PCDH15: variants seen among roughly 807,000 people sequenced by gnomAD.
PCDH15 encodes the protein protocadherin-15.
PCDH15 carries 129 observed loss-of-function variants against 178.5 expected under a neutral mutation model. The ratio of observed to expected loss-of-function variants is 0.72; its 90% CI spans 0.63 to 0.84. PCDH15 has a LOEUF of 0.84. Among genes scored for constraint, PCDH15 ranks in the 40% least tolerant of loss-of-function variants. The pLI, the probability that PCDH15 is intolerant of heterozygous loss-of-function variation, is 0.00. For synonymous variants in PCDH15, 800 were observed against 732.0 expected, an observed-to-expected ratio of 1.09 and a Z score of -1.50; for missense variants, 2,230 against 2,099.9, an observed-to-expected ratio of 1.06 and a Z score of -1.21.
chr10:53,933,599 G>A (rs2085288513), intron 25 of PCDH15, among the ~76,000 whole-genome samples: 1 of 152,266 alleles, frequency 6.6e-6, no homozygotes, highest in Non-Finnish European at 1.5e-5. Context: ...TTGGTTCCAA[G>A]TCTTTGCTAT....
chr10:54,247,881 A>AAAAAAATAT (rs1260841226), intron 8 of PCDH15, among the ~76,000 whole-genome samples: 2 of 148,494 alleles, frequency 1.3e-5, no homozygotes, highest in African/African-American at 5.0e-5. Context: ...AAAAAAAAGA[A>AAAAAAATAT]ATATGTATAT....
chr10:54,985,021 A>T (rs1444348623), intron 2 of PCDH15, among the ~76,000 whole-genome samples: 3 of 152,166 alleles, frequency 2.0e-5, no homozygotes, highest in Non-Finnish European at 4.4e-5. Flanking sequence ...AAGTAAAAGT[A>T]TCACACCCTT....
At chr10:54,916,275 T>A (rs898326563) in intron 2 of PCDH15, among the ~76,000 whole-genome samples, 1 of 152,218 alleles carries the variant, frequency 6.6e-6, no homozygotes, top group African/African-American at 2.4e-5. Flanking sequence ...TACCTAATTT[T>A]ATTTACCTGA....
At chr10:54,783,023 A>G (rs1055354152) in intron 1 of PCDH15, among the ~76,000 whole-genome samples, 1 of 152,190 alleles carries the variant, frequency 6.6e-6, no homozygotes, top group African/African-American at 2.4e-5. Context: ...TGGAAGAAGA[A>G]ACTATTCCAC....
intron 2 of PCDH15, among the ~76,000 whole-genome samples, chr10:55,613,737 G>A (rs755597077): frequency 1.4e-4 from 21 of 152,056 alleles, no homozygotes; most frequent in East Asian, 1.9e-4. Context: ...TCATAGCCTC[G>A]TAGCTCAAAG....
intron 1 of PCDH15, among the ~76,000 whole-genome samples, chr10:54,718,987 A>T (rs2095513926): frequency 6.6e-6 from 1 of 151,936 alleles, no homozygotes; most frequent in South Asian, 2.1e-4. Flanking sequence ...GAGCCACTGC[A>T]CCCGGTCCAC....
At chr10:54,127,201 A>G (rs138501049) in intron 15 of PCDH15, among the ~76,000 whole-genome samples, 1 of 152,286 alleles carries the variant, frequency 6.6e-6, no homozygotes, top group African/African-American at 2.4e-5. Context: ...TTCACTCCTA[A>G]AGGAACACAT....
rs112879090 is a variant in PCDH15 at position 54,368,937 on chromosome 10, T to C, written c.474+183A>G. On this transcript the variant is annotated intron_variant, in intron 5 of 37. Transcript: ENST00000644397. ...ATACATTATTTTTCCCATAGTTAAA[T>C]GAATTCCTAAAATAACATCGGAAGT... is the stretch of plus-strand genomic sequence containing the variant. Among the ~76,000 whole-genome samples the C allele has an allele frequency of 0.02, 3,072 of 152,220 alleles. 93 individuals carry two copies. The highest frequency in any genetic ancestry group is 0.069 in the African/African-American group (2,877 of 41,548).
chr10:54,560,134 G>A (rs2087906306), intron 2 of PCDH15, among the ~76,000 whole-genome samples: 1 of 151,998 alleles, frequency 6.6e-6, no homozygotes, highest in Non-Finnish European at 1.5e-5. Flanking sequence ...TTGTAGAAAT[G>A]ACCTTCTCTA....
At chr10:55,423,943 T>A (rs1157948062) in intron 2 of PCDH15, among the ~76,000 whole-genome samples, 2 of 152,080 alleles carry the variant, frequency 1.3e-5, no homozygotes, top group South Asian at 2.1e-4. Context: ...GTTTTCAGTT[T>A]TAAAAGGGCT....
intron 8 of PCDH15, among the ~76,000 whole-genome samples, chr10:54,238,368 G>A (rs761932003): frequency 4.6e-5 from 7 of 151,912 alleles, no homozygotes; most frequent in Admixed American, 4.6e-4. Flanking sequence ...ATTTTATATT[G>A]AAGTTATAAT....
chr10:54,618,177 T>C (rs1432888304), intron 2 of PCDH15, among the ~76,000 whole-genome samples: 1 of 152,110 alleles, frequency 6.6e-6, no homozygotes, highest in Non-Finnish European at 1.5e-5. Flanking sequence ...ACAAAGTATG[T>C]AGATTAAGTA....
intron 3 of PCDH15, among the ~76,000 whole-genome samples, chr10:54,477,130 A>G (rs778073970): frequency 1.3e-5 from 2 of 152,122 alleles, no homozygotes; most frequent in Non-Finnish European, 2.9e-5. Flanking sequence ...GAGGCTCTTC[A>G]TGGTTCAGCT....
intron 7 of PCDH15, among the ~76,000 whole-genome samples, chr10:54,324,447 A>G (rs1463945567): frequency 6.6e-6 from 1 of 152,258 alleles, no homozygotes; most frequent in East Asian, 1.9e-4. Context: ...TAGAAATTAT[A>G]AATTATTCTT....
chr10:54,826,650 A>G lies in PCDH15; in HGVS notation c.-29+70800T>C, dbSNP rs73254003. The stretch of plus-strand genomic sequence containing the variant: ...CTGTGTTGTGGTAAAAATTTCAGGT[A>G]AACAGTGGGTCATAATTTTCTGTTG... On this transcript the variant is annotated intron_variant, in intron 3 of 5. Coordinates refer to the PCDH15 transcript ENST00000458638. 3.7e-3 allele frequency among the ~76,000 whole-genome samples: 560 copies of G among 152,098 alleles called. 1 individual carries two copies. Among genetic ancestry groups the G allele is most frequent in the African/African-American group, 0.013 (538 of 41,546 alleles).
intron 2 of PCDH15, among the ~76,000 whole-genome samples, chr10:55,512,294 C>T (rs191047787): frequency 9.3e-4 from 142 of 152,182 alleles, no homozygotes; most frequent in African/African-American, 3.1e-3. Flanking sequence ...CTATTTTGCA[C>T]TGTATCCTCT....
At chr10:54,855,275 T>C (rs1953717904) in intron 3 of PCDH15, among the ~76,000 whole-genome samples, 2 of 152,162 alleles carry the variant, frequency 1.3e-5, no homozygotes, top group African/African-American at 4.8e-5. Context: ...TCTGCAGCTA[T>C]GATGTGGGTA....
intron 2 of PCDH15, among the ~76,000 whole-genome samples, chr10:55,488,798 G>T (rs1840353712): frequency 6.6e-6 from 1 of 151,416 alleles, no homozygotes; most frequent in Admixed American, 6.6e-5. Flanking sequence ...AGTTGCCAAT[G>T]GAGAAATATT....
At chr10:55,023,186 C>G (rs904866625) in intron 2 of PCDH15, among the ~76,000 whole-genome samples, 7 of 152,092 alleles carry the variant, frequency 4.6e-5, no homozygotes, top group African/African-American at 1.7e-4. Context: ...TGTGATCTGC[C>G]CGGCCTCTGC....
Sources: gnomAD v4.1 joint callset for allele counts (sites outside exome capture counted in the v4.1 genomes callset) on GRCh38, gnomAD v4.1.1 for gene constraint, MANE v1.5 for transcripts, NCBI Gene and HGNC (gene_info 2026-07-23, HGNC 2026-07-21) for gene names.